RBFOX1: variants seen among roughly 807,000 people sequenced by gnomAD.
The protein encoded by RBFOX1 is RNA binding protein fox-1 homolog 1.
Under a neutral mutation model 57.7 loss-of-function variants are expected in RBFOX1, and 8 were observed. The observed-to-expected ratio is 0.14, with a 90% CI of 0.08 to 0.25. The LOEUF is 0.25. Ranked by LOEUF, RBFOX1 falls within the 10% of genes least tolerant of loss-of-function variation. The pLI, the probability that RBFOX1 is intolerant of heterozygous loss-of-function variation, is 1.00. For synonymous variants in RBFOX1, 326 were observed against 222.4 expected (o/e 1.47, Z -4.15); for missense variants, 611 against 548.5 (o/e 1.11, Z -1.14).
intron 3 of RBFOX1, among the ~76,000 whole-genome samples, chr16:6,796,769 C>G (rs142907725): frequency 2.6e-5 from 4 of 152,312 alleles, no homozygotes; most frequent in East Asian, 1.9e-4. Context: ...GGGCCTACAT[C>G]TGCCTTCCAA....
At chr16:5,261,851 G>T (rs1232143797) in intron 1 of RBFOX1, among the ~76,000 whole-genome samples, 2 of 152,126 alleles carry the variant, frequency 1.3e-5, no homozygotes, top group East Asian at 1.9e-4. Context: ...TATAAGCCCA[G>T]CCTCATTGTG....
chr16:7,269,884 A>G (rs1353800808), intron 4 of RBFOX1, among the ~76,000 whole-genome samples: 1 of 152,234 alleles, frequency 6.6e-6, no homozygotes, highest in Non-Finnish European at 1.5e-5. Context: ...ACCATAGCGT[A>G]TTAGCATACC....
At chr16:6,921,021 T>A (rs1476674891) in intron 3 of RBFOX1, among the ~76,000 whole-genome samples, 2 of 152,158 alleles carry the variant, frequency 1.3e-5, no homozygotes, top group Non-Finnish European at 2.9e-5. Flanking sequence ...ACACAGTATC[T>A]CAAGTGGTTG....
intron 12 of RBFOX1, among the ~76,000 whole-genome samples, chr16:7,662,384 G>C (rs2060296784): frequency 1.3e-5 from 2 of 152,142 alleles, no homozygotes; most frequent in African/African-American, 2.4e-5. Context: ...CCAAATCAGA[G>C]ACAAACCTCA....
At chr16:6,825,750 C>T (rs2092037657) in intron 3 of RBFOX1, among the ~76,000 whole-genome samples, 1 of 152,048 alleles carries the variant, frequency 6.6e-6, no homozygotes, top group Non-Finnish European at 1.5e-5. Flanking sequence ...GCCAGGGACA[C>T]GTGTAACGGG....
chr16:7,536,258 C>A (rs932247003), intron 5 of RBFOX1, among the ~76,000 whole-genome samples: 1 of 152,138 alleles, frequency 6.6e-6, no homozygotes, highest in Non-Finnish European at 1.5e-5. Flanking sequence ...TAAATCAAAG[C>A]GGAGATGCAT....
At chr16:6,056,764 C>G (rs1049416722) in intron 1 of RBFOX1, among the ~76,000 whole-genome samples, 13 of 151,696 alleles carry the variant, frequency 8.6e-5, no homozygotes, top group African/African-American at 2.9e-4. Flanking sequence ...ATCACACTCC[C>G]TTTTGAGTGT....
chr16:6,380,108 G>A (rs2091638944), intron 2 of RBFOX1, among the ~76,000 whole-genome samples: 1 of 152,144 alleles, frequency 6.6e-6, no homozygotes, highest in African/African-American at 2.4e-5. Flanking sequence ...CTCTGAGGTA[G>A]GAGGCATCTG....
At chr16:6,398,495 A>G (rs1403300463) in intron 2 of RBFOX1, among the ~76,000 whole-genome samples, 2 of 152,288 alleles carry the variant, frequency 1.3e-5, no homozygotes, top group East Asian at 1.9e-4. Context: ...ACTAGATACA[A>G]TGGGGTACAG....
chr16:6,156,933 G>C (rs1198006899), intron 1 of RBFOX1, among the ~76,000 whole-genome samples: 1 of 152,080 alleles, frequency 6.6e-6, no homozygotes, highest in Middle Eastern at 3.2e-3. Flanking sequence ...CCGAACTCCT[G>C]AGCTCACGTG....
chr16:7,150,781 G>T (rs2075962129), intron 4 of RBFOX1, among the ~76,000 whole-genome samples: 1 of 152,204 alleles, frequency 6.6e-6, no homozygotes, highest in Non-Finnish European at 1.5e-5. Flanking sequence ...TGCAGCATTT[G>T]TGGGTTATTA....
At chr16:6,263,781 T>G (rs1395744630) in intron 1 of RBFOX1, among the ~76,000 whole-genome samples, 3 of 152,200 alleles carry the variant, frequency 2.0e-5, no homozygotes, top group African/African-American at 7.2e-5. Context: ...AATATCTTGA[T>G]GTCTTCACAT....
intron 4 of RBFOX1, among the ~76,000 whole-genome samples, chr16:7,472,767 G>A (rs149111243): frequency 1.0e-3 from 153 of 152,254 alleles, no homozygotes; most frequent in African/African-American, 3.6e-3. Flanking sequence ...TTTCACTAAG[G>A]ATAAAAGTTA....
chr16:6,363,156 A>C (rs2088910295), intron 2 of RBFOX1, among the ~76,000 whole-genome samples: 1 of 152,194 alleles, frequency 6.6e-6, no homozygotes, highest in African/African-American at 2.4e-5. Context: ...TTGGCTTCAA[A>C]AGCATTTTTT....
At chr16:6,680,623 A>G (rs1044622377) in intron 3 of RBFOX1, among the ~76,000 whole-genome samples, 1 of 152,176 alleles carries the variant, frequency 6.6e-6, no homozygotes, top group Non-Finnish European at 1.5e-5. Context: ...TTCTAAAATA[A>G]CAATAAAGTT....
At position 7,672,843 on chromosome 16, in the gene RBFOX1, G is replaced by C. The variant is rs560029305; in HGVS notation, c.931-3931G>C. 1.1e-3 allele frequency among the ~76,000 whole-genome samples: 87 copies of C among 78,664 alleles called. 1 individual carries two copies. Among genetic ancestry groups the C allele is most frequent in the Non-Finnish European group, 1.6e-3 (72 of 46,050 alleles). 51.6% of individuals were successfully genotyped at this position (78,664 alleles called of 152,430 possible). On this transcript the variant is annotated intron_variant, in intron 13 of 15. Transcript: ENST00000550418. ...GATTGCGCCATTGTACTCCAGCCTGGGTGACAGAGAAGACTCCATCTCAAA... is the reference window on the plus strand; with the variant it reads ...GATTGCGCCATTGTACTCCAGCCTGCGTGACAGAGAAGACTCCATCTCAAA...
intron 2 of RBFOX1, among the ~76,000 whole-genome samples, chr16:6,512,641 A>G (rs2096278327): frequency 6.6e-6 from 1 of 152,192 alleles, no homozygotes; most frequent in African/African-American, 2.4e-5. Flanking sequence ...TTCTCCCAAG[A>G]AAATGGGAAT....
chr16:7,319,139 G>A (rs368302251), intron 4 of RBFOX1, among the ~76,000 whole-genome samples: 1 of 151,742 alleles, frequency 6.6e-6, no homozygotes, highest in East Asian at 1.9e-4. Flanking sequence ...TTCTATTTTG[G>A]TCCTAAAAGA....
chr16:7,023,146 A>G (rs1029091470), intron 3 of RBFOX1, among the ~76,000 whole-genome samples: 1 of 152,114 alleles, frequency 6.6e-6, no homozygotes, highest in East Asian at 1.9e-4. Context: ...TAAAACACAT[A>G]GTGGGAGGCT....
Sources: allele counts gnomAD v4.1 joint callset (sites outside exome capture counted in the v4.1 genomes callset), GRCh38; gene constraint gnomAD v4.1.1; transcripts MANE v1.5; gene names NCBI Gene and HGNC (gene_info 2026-07-23, HGNC 2026-07-21).